IGF1R: variants seen among roughly 807,000 people sequenced by gnomAD.
The protein encoded by IGF1R is insulin-like growth factor 1 receptor.
IGF1R carries 44 observed loss-of-function variants against 144.6 expected under a neutral mutation model. The observed-to-expected ratio is 0.30, with a 90% CI of 0.24 to 0.39. IGF1R has a LOEUF of 0.39. Among genes scored for constraint, IGF1R ranks in the 10% least tolerant of loss-of-function variants. IGF1R has a pLI of 1.00. For synonymous variants in IGF1R, 795 were observed against 722.8 expected (o/e 1.10, Z -1.60); for missense variants, 1,355 against 1,833.7 (o/e 0.74, Z 4.77).
intron 2 of IGF1R, among the ~76,000 whole-genome samples, chr15:98,732,580 G>A (rs572496380): frequency 6.6e-6 from 1 of 152,270 alleles, no homozygotes; most frequent in East Asian, 1.9e-4. Flanking sequence ...AAGGGGGTCG[G>A]AGGCCTTTTG....
chr15:98,821,397 A>T (rs1478876136), intron 2 of IGF1R, among the ~76,000 whole-genome samples: 1 of 152,116 alleles, frequency 6.6e-6, no homozygotes, highest in African/African-American at 2.4e-5. Flanking sequence ...CGTGTATATA[A>T]GTTAATAGTA....
Position 98,812,887 on chromosome 15 carries a change from G to A in IGF1R, c.641-78438G>A, listed in dbSNP as rs1391241518. ...CAGAGGAGCTGCCTTCACACGTGCT[G>A]TGAAATGTACTGTTGTTGACCAGAG... On this transcript the variant is annotated intron_variant, in intron 2 of 20. Coordinates refer to ENST00000650285, the MANE Select transcript of IGF1R (RefSeq NM_000875.5). Among the ~76,000 whole-genome samples the A allele has an allele frequency of 2.0e-5, 3 of 152,318 alleles. No homozygotes were observed. In the East Asian group the frequency reaches 5.8e-4, roughly 29 times the overall value.
chr15:98,860,480 G>T (rs978464033), intron 2 of IGF1R, among the ~76,000 whole-genome samples: 15 of 152,232 alleles, frequency 9.9e-5, no homozygotes, highest in African/African-American at 3.1e-4. Flanking sequence ...AGGGAGAACT[G>T]AGACTACTGC....
At chr15:98,876,388 A>AT (rs1390438553) in intron 2 of IGF1R, among the ~76,000 whole-genome samples, 2 of 151,842 alleles carry the variant, frequency 1.3e-5, no homozygotes, top group Non-Finnish European at 2.9e-5. Flanking sequence ...GTGGGGTCAG[A>AT]TTTTTTCCCT....
intron 11 of IGF1R, among the ~76,000 whole-genome samples, chr15:98,922,743 C>T (rs979845257): frequency 1.6e-4 from 24 of 152,370 alleles, no homozygotes; most frequent in Non-Finnish European, 3.1e-4. Flanking sequence ...CCTTTGCCCC[C>T]TCTTGCGCAC....
In IGF1R at chr15:98,810,553, TC is replaced by T. The variant is rs1400999745; in HGVS notation, c.641-80771del. Among the ~76,000 whole-genome samples, 13 of 149,832 alleles carry T rather than the reference TC, an allele frequency of 8.7e-5. No homozygotes were observed. In the Admixed American group the frequency reaches 8.7e-4, roughly 10 times the overall value. ...GATTCTAAATGATTTTCTTTTCTTT[TC>T]TTTTTTTTTTTTTTTTGAGACGGAG... is the stretch of plus-strand genomic sequence containing the variant. On this transcript the variant is annotated intron_variant, in intron 2 of 20. Coordinates refer to ENST00000650285, the MANE Select transcript of IGF1R (RefSeq NM_000875.5).
At chr15:98,721,225 C>G (rs2054239900) in intron 2 of IGF1R, among the ~76,000 whole-genome samples, 1 of 152,204 alleles carries the variant, frequency 6.6e-6, no homozygotes. Context: ...TGCTTTTGTG[C>G]TCATCCATTG....
At chr15:98,740,465 G>T (rs775889031) in intron 2 of IGF1R, among the ~76,000 whole-genome samples, 2 of 152,206 alleles carry the variant, frequency 1.3e-5, no homozygotes, top group African/African-American at 2.4e-5. Context: ...CACACCCATC[G>T]AAACCCAAGT....
At chr15:98,680,966 T>C (rs2053173713) in intron 1 of IGF1R, among the ~76,000 whole-genome samples, 2 of 152,066 alleles carry the variant, frequency 1.3e-5, no homozygotes, top group Non-Finnish European at 2.9e-5. Context: ...TACAACTGCC[T>C]GCAGTATTCA....
At chr15:98,753,182 C>T (rs763694089) in intron 2 of IGF1R, among the ~76,000 whole-genome samples, 2 of 151,172 alleles carry the variant, frequency 1.3e-5, no homozygotes, top group South Asian at 2.1e-4. Context: ...TCACCTGCCT[C>T]GGCCTCCCAA....
chr15:98,737,797 G>A (rs2054646129), intron 2 of IGF1R, among the ~76,000 whole-genome samples: 1 of 152,114 alleles, frequency 6.6e-6, no homozygotes. Flanking sequence ...GAGGGGGAAG[G>A]GGTGGAAAGT....
chr15:98,736,393 T>C (rs1471635630), intron 2 of IGF1R, among the ~76,000 whole-genome samples: 1 of 152,144 alleles, frequency 6.6e-6, no homozygotes, highest in African/African-American at 2.4e-5. Flanking sequence ...TATAACTCAC[T>C]GGATAAACAG....
chr15:98,764,137 C>G (rs1480519140), intron 2 of IGF1R, among the ~76,000 whole-genome samples: 3 of 152,172 alleles, frequency 2.0e-5, no homozygotes, highest in Non-Finnish European at 4.4e-5. Context: ...TCTTTCAGCC[C>G]ACACGTCTTC....
chr15:98,653,603 C>T (rs926637712), intron 1 of IGF1R, among the ~76,000 whole-genome samples: 4 of 152,154 alleles, frequency 2.6e-5, no homozygotes, highest in Non-Finnish European at 5.9e-5. Flanking sequence ...ATTAAAATTC[C>T]TTACAGAACG....
At chr15:98,853,234 G>A (rs1425625577) in intron 2 of IGF1R, among the ~76,000 whole-genome samples, 1 of 152,172 alleles carries the variant, frequency 6.6e-6, no homozygotes, top group Non-Finnish European at 1.5e-5. Context: ...GCAGTATTGT[G>A]TTGAACCAAA....
At chr15:98,823,607 A>G (rs191483865) in intron 2 of IGF1R, among the ~76,000 whole-genome samples, 2 of 152,354 alleles carry the variant, frequency 1.3e-5, no homozygotes, top group African/African-American at 4.8e-5. Context: ...GGATATGGTC[A>G]GGTTTGATTC....
chr15:98,927,994 T>C (rs561280380), intron 13 of IGF1R, among the ~76,000 whole-genome samples: 1 of 152,334 alleles, frequency 6.6e-6, no homozygotes, highest in East Asian at 1.9e-4. Context: ...GCTCCTTAGC[T>C]CAGTCAGTGG....
chr15:98,887,246 C>A (rs2141646534), intron 2 of IGF1R, among the ~76,000 whole-genome samples: 1 of 152,136 alleles, frequency 6.6e-6, no homozygotes, highest in Admixed American at 6.5e-5. Flanking sequence ...TTCACTCACT[C>A]CTTTGGGAAG....
intron 15 of IGF1R, among the ~76,000 whole-genome samples, chr15:98,932,316 T>C (rs2015976074): frequency 6.6e-6 from 1 of 152,202 alleles, no homozygotes; most frequent in Non-Finnish European, 1.5e-5. Context: ...CAAAATGACA[T>C]TGCAGTTCAA....
Sources: gnomAD v4.1 joint callset for allele counts (sites outside exome capture counted in the v4.1 genomes callset) on GRCh38, gnomAD v4.1.1 for gene constraint, MANE v1.5 for transcripts, NCBI Gene and HGNC (gene_info 2026-07-23, HGNC 2026-07-21) for gene names.